ZNF232: variants seen among roughly 807,000 people sequenced by gnomAD.
ZNF232 encodes the protein zinc finger protein 232.
Under a neutral mutation model 25.2 loss-of-function variants are expected in ZNF232, and 25 were observed. The ratio of observed to expected loss-of-function variants is 0.99; its 90% CI spans 0.72 to 1.39. ZNF232 has a LOEUF of 1.39. ZNF232 is among the 40% of genes most tolerant of loss of function. ZNF232 has a pLI of 0.00. For missense variants in ZNF232, 519 were observed against 520.9 expected, an observed-to-expected ratio of 1.00 and a Z score of 0.04; for synonymous variants, 193 against 182.9, an observed-to-expected ratio of 1.06 and a Z score of -0.45.
At chr17:5,111,877 G>A (rs1470521075), upstream of ZNF232, 7 of 1,608,352 alleles carry the variant, frequency 4.4e-6, no homozygotes, top group African/African-American at 8.0e-5. Context: ...GGGCAGGTTT[G>A]CGCCTGCGCA....
At chr17:5,109,890 T>G in intron 1 of ZNF232, 22 bp from the exon 2 acceptor site, 1 of 1,556,708 alleles carries the variant, frequency 6.4e-7, no homozygotes, top group Admixed American at 2.0e-5. Flanking sequence ...GAAGAAATCA[T>G]TCCTCTTTTT....
upstream of ZNF232, among the ~76,000 whole-genome samples, chr17:5,115,576 A>ACACACACACAC (rs1555584331): frequency 2.0e-5 from 3 of 150,738 alleles, no homozygotes; most frequent in Admixed American, 1.3e-4. Context: ...ACACACACAC[A>ACACACACACAC]AAACCCAAAA....
At chr17:5,121,104 C>T (rs907247274) in intron 1 of ZNF232, among the ~76,000 whole-genome samples, 2 of 152,200 alleles carry the variant, frequency 1.3e-5, no homozygotes, top group Non-Finnish European at 2.9e-5. Context: ...TGAGTGTCTC[C>T]AGTGTCCTAG....
At chr17:5,117,294 G>A (rs1188305924) in intron 1 of ZNF232, among the ~76,000 whole-genome samples, 1 of 152,106 alleles carries the variant, frequency 6.6e-6, no homozygotes, top group Non-Finnish European at 1.5e-5. Flanking sequence ...GAGGCGGGTG[G>A]ATCATGAGGT....
intron 3 of ZNF232, among the ~76,000 whole-genome samples, chr17:5,108,407 G>A (rs1388817648): frequency 6.6e-6 from 1 of 151,710 alleles, no homozygotes; most frequent in East Asian, 1.9e-4. Context: ...ACATAAGAGA[G>A]TTTCAGATAG....
chr17:5,107,116 T>C (rs1007838167), intron 3 of ZNF232, among the ~76,000 whole-genome samples: 21 of 150,904 alleles, frequency 1.4e-4, no homozygotes, highest in Non-Finnish European at 3.0e-4. Context: ...TTGCCGGGCG[T>C]GGTGGCTCAC....
intron 3 of ZNF232, among the ~76,000 whole-genome samples, chr17:5,108,298 T>C (rs1484002645): frequency 6.6e-6 from 1 of 152,078 alleles, no homozygotes; most frequent in Non-Finnish European, 1.5e-5. Context: ...CTAAGTCTAG[T>C]GTTCGCCGCT....
chr17:5,113,439 G>C (rs2143644811), upstream of ZNF232: 1 of 152,346 alleles, frequency 6.6e-6, no homozygotes, highest in African/African-American at 2.4e-5. Context: ...GAAATTGACA[G>C]AGCCTGAATT....
In ZNF232 at chr17:5,109,068, C is replaced by T. The variant is rs372550373; in HGVS notation, c.499-16G>A. 2 of 1,613,840 alleles carry T rather than the reference C, an allele frequency of 1.2e-6. No individual in the cohort carries two copies. Among genetic ancestry groups the T allele is most frequent in the East Asian group, 2.2e-5 (1 of 44,870 alleles). Reference sequence around the variant, plus strand: ...GGCCTGGGACCTGGAGGTGATCAGGCACCACTCAGTTTAAATTTTCTTCAA... The same window carrying T: ...GGCCTGGGACCTGGAGGTGATCAGGTACCACTCAGTTTAAATTTTCTTCAA... On this transcript the variant is annotated splice_polypyrimidine_tract_variant and intron_variant, in intron 2 of 3. Coordinates refer to ENST00000575898, the Ensembl canonical transcript of ZNF232.
At chr17:5,119,308 T>C (rs1456797433) in intron 1 of ZNF232, among the ~76,000 whole-genome samples, 2 of 152,258 alleles carry the variant, frequency 1.3e-5, no homozygotes, top group Non-Finnish European at 2.9e-5. Flanking sequence ...AGGTAGGTTT[T>C]ATTTTGTGGA....
intron 3 of ZNF232, among the ~76,000 whole-genome samples, chr17:5,107,467 T>C (rs182763429): frequency 1.3e-5 from 2 of 151,934 alleles, no homozygotes; most frequent in African/African-American, 4.8e-5. Flanking sequence ...CATTTTATGT[T>C]TTATCTGTTG....
rs772695740 is a variant in ZNF232, at chr17:5,108,999, T to G, written c.552A>C (p.Glu184Asp). 5 of 1,614,002 alleles carry G rather than the reference T, an allele frequency of 3.1e-6. No individual in the cohort carries two copies. In the African/African-American group the frequency reaches 6.7e-5, roughly 22 times the overall value. Residue 184 changes from glutamate (E) to aspartate (D), a missense_variant, in exon 3 of 4, where the codon GAA (glutamate) becomes GAC (aspartate). Transcript: ENST00000575898. ...GTGCTTCCTGGGCTGCTCCCAGAGA[T>G]TCCTTCTTCTCCCATGGCTCTTCCT...
At chr17:5,116,891 T>C in intron 1 of ZNF232, among the ~76,000 whole-genome samples, 1 of 152,168 alleles carries the variant, frequency 6.6e-6, no homozygotes, top group Non-Finnish European at 1.5e-5. Flanking sequence ...TGAAAAGTGA[T>C]GGAGCTAGGT....
chr17:5,116,324 C>G (rs1425684494), upstream of ZNF232: 1 of 153,856 alleles, frequency 6.5e-6, no homozygotes, highest in Non-Finnish European at 1.4e-5. Context: ...GGCGGCCCGC[C>G]TCACCACTCC....
chr17:5,111,861 C>A (rs1452754325), upstream of ZNF232: 4 of 1,612,644 alleles, frequency 2.5e-6, no homozygotes, highest in African/African-American at 1.3e-5. Flanking sequence ...ACAGCCCTCA[C>A]CCCAGGGGCA....
chr17:5,106,334 T>C (rs2072260342), exon 4 of ZNF232: 12 of 1,614,192 alleles, frequency 7.4e-6, no homozygotes, highest in Non-Finnish European at 1.0e-5. Flanking sequence ...ACCACCTCAG[T>C]CTCTCCGCTT....
chr17:5,106,730 T>TC (rs1567755545), intron 3 of ZNF232, among the ~76,000 whole-genome samples, 197 bp from the exon 4 acceptor site: 1 of 152,224 alleles, frequency 6.6e-6, no homozygotes, highest in Non-Finnish European at 1.5e-5. Context: ...CTGCTTTTTT[T>TC]CCCCTAATTT....
Position 5,106,414 on chromosome 17 carries a change from G to A in ZNF232, c.718C>T (p.Leu240Phe), listed in dbSNP as rs968015609. The A allele has an allele frequency of 9.3e-6, 15 of 1,614,092 alleles. No individual in the cohort carries two copies. The highest frequency in any genetic ancestry group is 2.7e-5 in the African/African-American group (2 of 74,944). ...TCAAATGTAGAGGTGTCAGTAGCAA[G>A]TTTTTCTGAGAACACCTGTGATTCC... The change falls in exon 4 of 4, where the codon CTT (leucine) becomes TTT (phenylalanine). Residue 240 changes from leucine to phenylalanine, a missense_variant. Transcript: ENST00000575898.
chr17:5,122,711 C>T (rs969552826), intron 1 of ZNF232, among the ~76,000 whole-genome samples: 1 of 152,202 alleles, frequency 6.6e-6, no homozygotes, highest in East Asian at 1.9e-4. Flanking sequence ...TAAGCTCCCA[C>T]CCGGAGCCCA....
Sources: gnomAD v4.1 joint callset for allele counts (sites outside exome capture counted in the v4.1 genomes callset) on GRCh38, gnomAD v4.1.1 for gene constraint, MANE v1.5 for transcripts, NCBI Gene and HGNC (gene_info 2026-07-23, HGNC 2026-07-21) for gene names.